Variants in PSD3 observed in about 807,000 individuals in gnomAD.
PSD3 encodes PH and SEC7 domain-containing protein 3.
In PSD3, 49 loss-of-function variants were observed where a neutral mutation model predicts 105.5. The observed-to-expected ratio is 0.46, with a 90% confidence interval of 0.37 to 0.59. The LOEUF (loss-of-function observed/expected upper bound fraction) is 0.59. PSD3 is among the 20% of genes least tolerant of loss of function. PSD3 has a pLI of 0.00. For missense variants in PSD3, 1,561 were observed against 1,263.8 expected (o/e 1.24, Z -3.57); for synonymous variants, 557 against 457.8 (o/e 1.22, Z -2.77).
chr8:18,612,405 G>C (rs965327605), intron 11 of PSD3, among the ~76,000 whole-genome samples: 5 of 151,042 alleles, frequency 3.3e-5, no homozygotes, highest in African/African-American at 1.2e-4. Flanking sequence ...ACGGAGTCTT[G>C]CTCTGTTGCC....
At chr8:18,670,974 T>C (rs982462216) in intron 9 of PSD3, among the ~76,000 whole-genome samples, 13 of 152,296 alleles carry the variant, frequency 8.5e-5, no homozygotes, top group Admixed American at 2.6e-4. Flanking sequence ...CATTAGATTT[T>C]ATGCTCCTTG....
chr8:18,803,157 C>G (rs779272088), intron 6 of PSD3: 1 of 240,804 alleles, frequency 4.2e-6, no homozygotes, highest in Non-Finnish European at 8.6e-6. Context: ...TGTGGTGGTG[C>G]GTACCTGTAG....
At chr8:18,715,865 G>C (rs1030101901) in intron 9 of PSD3, among the ~76,000 whole-genome samples, 1 of 152,210 alleles carries the variant, frequency 6.6e-6, no homozygotes, top group African/African-American at 2.4e-5. Flanking sequence ...CCTACTATGT[G>C]ACAGGCATTG....
chr8:19,037,421 C>T (rs1827981083), intron 1 of PSD3, among the ~76,000 whole-genome samples: 1 of 152,182 alleles, frequency 6.6e-6, no homozygotes, highest in Non-Finnish European at 1.5e-5. Context: ...AGGGGCTTTC[C>T]TATGGTTACT....
chr8:18,801,380 T>C lies in PSD3; in HGVS notation c.1913A>G (p.Tyr638Cys), dbSNP rs200889956. The change falls in exon 7 of 16, where the codon TAT becomes TGT. Residue 638 changes from tyrosine (Y) to cysteine (C), a missense_variant and splice_region_variant. By Grantham distance (194) the Tyr-to-Cys change is radical. Transcript: ENST00000327040. Reference protein sequence around the residue: ...TGMTLDQSLRYFFKAFSLVGE... With the variant: ...TGMTLDQSLRCFFKAFSLVGE... ...CACAAGAGAGAATGCTTTAAAGAAA[T>C]ACCTACAAGAGAATTAAAAATTTAA... The C allele has an allele frequency of 9.6e-6, 15 of 1,566,470 alleles. No individual in the cohort carries two copies. The Admixed American group carries it at 2.1e-4, about 22-fold the overall frequency.
chr8:18,549,768 A>G (rs1219339570), intron 15 of PSD3, among the ~76,000 whole-genome samples: 1 of 152,236 alleles, frequency 6.6e-6, no homozygotes, highest in African/African-American at 2.4e-5. Context: ...GCACTGATCT[A>G]TATCACCTGA....
At chr8:18,866,430 T>C (rs767778893) in intron 4 of PSD3, among the ~76,000 whole-genome samples, 1 of 152,208 alleles carries the variant, frequency 6.6e-6, no homozygotes, top group African/African-American at 2.4e-5. Flanking sequence ...TTAGTCTCTA[T>C]TAACCCTTTA....
intron 15 of PSD3, among the ~76,000 whole-genome samples, chr8:18,541,368 T>C (rs753360297): frequency 1.3e-5 from 2 of 152,126 alleles, no homozygotes; most frequent in Non-Finnish European, 2.9e-5. Flanking sequence ...GAACTCGTAA[T>C]ATGGCAAATC....
chr8:18,546,053 T>C (rs1043100426), intron 15 of PSD3, among the ~76,000 whole-genome samples: 8 of 152,334 alleles, frequency 5.3e-5, no homozygotes, highest in South Asian at 2.1e-4. Context: ...CAGGCTATAG[T>C]GCAATGGTGC....
At chr8:18,742,685 A>G (rs916540663) in intron 9 of PSD3, among the ~76,000 whole-genome samples, 1 of 152,244 alleles carries the variant, frequency 6.6e-6, no homozygotes, top group African/African-American at 2.4e-5. Flanking sequence ...CCTGGAGATT[A>G]CATCACCATT....
intron 2 of PSD3, among the ~76,000 whole-genome samples, chr8:18,896,322 G>C (rs984253067): frequency 4.6e-5 from 7 of 152,120 alleles, no homozygotes; most frequent in African/African-American, 1.7e-4. Context: ...CCTTTTTTCT[G>C]GATATATACC....
At chr8:18,615,471 C>T (rs549454023) in intron 11 of PSD3, among the ~76,000 whole-genome samples, 61 of 152,212 alleles carry the variant, frequency 4.0e-4, no homozygotes, top group Admixed American at 1.2e-3. Context: ...AAGGGCGCAC[C>T]CTTCTATATA....
At chr8:18,778,663 T>G (rs1015698585) in intron 8 of PSD3, among the ~76,000 whole-genome samples, 7 of 151,930 alleles carry the variant, frequency 4.6e-5, no homozygotes, top group African/African-American at 1.4e-4. Context: ...TGAAGGGATG[T>G]TGAATTTTAT....
chr8:18,805,513 A>G (rs1476895611), intron 4 of PSD3, among the ~76,000 whole-genome samples: 2 of 152,196 alleles, frequency 1.3e-5, no homozygotes, highest in Non-Finnish European at 2.9e-5. Context: ...TTTTTGATAC[A>G]ACACCAAAGT....
chr8:18,710,891 C>A (rs983283025), intron 9 of PSD3, among the ~76,000 whole-genome samples: 1 of 152,018 alleles, frequency 6.6e-6, no homozygotes, highest in Non-Finnish European at 1.5e-5. Flanking sequence ...CATATTGGAC[C>A]AGGCTGGTCT....
intron 9 of PSD3, among the ~76,000 whole-genome samples, chr8:18,658,005 T>G (rs571252230): frequency 6.6e-6 from 1 of 152,350 alleles, no homozygotes; most frequent in East Asian, 1.9e-4. Flanking sequence ...CAAAGAGAAG[T>G]AGAATTGTAA....
intron 2 of PSD3, among the ~76,000 whole-genome samples, chr8:18,916,056 A>T (rs934549191): frequency 6.6e-6 from 1 of 152,012 alleles, no homozygotes; most frequent in African/African-American, 2.4e-5. Flanking sequence ...AGATCGTGCC[A>T]TTGCACTCCA....
intron 2 of PSD3, among the ~76,000 whole-genome samples, chr8:18,921,576 A>C (rs1274315019): frequency 6.6e-6 from 1 of 152,162 alleles, no homozygotes; most frequent in Non-Finnish European, 1.5e-5. Context: ...GGTCACGGGG[A>C]GTCTCTTTAA....
chr8:18,922,752 G>C (rs749786571), intron 2 of PSD3, among the ~76,000 whole-genome samples: 2 of 152,076 alleles, frequency 1.3e-5, no homozygotes, highest in Non-Finnish European at 2.9e-5. Flanking sequence ...CCTTGGGTTC[G>C]ATTAATCTGC....
Sources: allele counts gnomAD v4.1 joint callset (sites outside exome capture counted in the v4.1 genomes callset), GRCh38; gene constraint gnomAD v4.1.1; transcripts MANE v1.5; gene names NCBI Gene and HGNC (gene_info 2026-07-23, HGNC 2026-07-21).